The following SETDB1 variants were observed in gnomAD, a reference collection of about 807,000 sequenced individuals.
The protein encoded by SETDB1 is histone-lysine N-methyltransferase SETDB1.
SETDB1 carries 31 observed loss-of-function variants against 137.4 expected under a neutral mutation model. The ratio of observed to expected loss-of-function variants is 0.23; its 90% CI spans 0.17 to 0.30. The LOEUF (loss-of-function observed/expected upper bound fraction) is 0.30. Ranked by LOEUF, SETDB1 falls within the 10% of genes least tolerant of loss-of-function variation. The pLI, the probability that SETDB1 is intolerant of heterozygous loss-of-function variation, is 1.00. For missense variants in SETDB1, 1,113 were observed against 1,631.5 expected (o/e 0.68, Z 5.47); for synonymous variants, 548 against 579.9 (o/e 0.95, Z 0.79).
intron 9 of SETDB1, 42 bp downstream of exon 9, chr1:150,945,150 G>A (rs760537725): frequency 4.3e-6 from 7 of 1,612,176 alleles, no homozygotes; most frequent in East Asian, 2.2e-5. Flanking sequence ...AGGTTGGTGG[G>A]GGGGGAACTT....
intron 1 of SETDB1, 106 bp downstream of exon 1, chr1:150,926,623 C>T (rs1229243536): frequency 6.9e-6 from 3 of 434,832 alleles, no homozygotes; most frequent in Non-Finnish European, 1.4e-5. Context: ...TCCCCAGAGG[C>T]GAACGGGGGC....
chr1:150,949,937 G>A (rs971121050), intron 12 of SETDB1, among the ~76,000 whole-genome samples: 6 of 152,124 alleles, frequency 3.9e-5, no homozygotes, highest in Non-Finnish European at 8.8e-5. Flanking sequence ...GTATACTGTT[G>A]AAATAGAGAT....
In SETDB1 at chr1:150,938,861, C is replaced by T. The variant is rs111548294; in HGVS notation, c.413-1079C>T. ...TTTTTTTTTGAGACGGGGTCTTACTCTGTCACCTGTAGTCCCAGCCGCTTT... is the reference window on the plus strand; with the variant it reads ...TTTTTTTTTGAGACGGGGTCTTACTTTGTCACCTGTAGTCCCAGCCGCTTT... On this transcript the variant is annotated intron_variant, in intron 3 of 21. Coordinates refer to ENST00000692827, the MANE Select transcript of SETDB1 (RefSeq NM_001366418.1). Among the ~76,000 whole-genome samples the T allele has an allele frequency of 8.7e-3, 1,242 of 142,322 alleles. 7 individuals carry two copies. Among genetic ancestry groups the T allele is most frequent in the Non-Finnish European group, 0.012 (797 of 66,230 alleles). 93.4% of individuals were successfully genotyped at this position (142,322 alleles called of 152,430 possible).
At chr1:150,926,759 A>G (rs779960312) in intron 1 of SETDB1, 3 of 533,436 alleles carry the variant, frequency 5.6e-6, no homozygotes, top group Non-Finnish European at 1.2e-5. Flanking sequence ...CCGTTTGATT[A>G]AAAAAGCAGT....
At chr1:150,963,292 A>C in intron 19 of SETDB1, 153 bp downstream of exon 19, 1 of 744,832 alleles carries the variant, frequency 1.3e-6, no homozygotes. Flanking sequence ...AAGCTAAACT[A>C]TTGTTTGACA....
At chr1:150,946,773 G>T in intron 9 of SETDB1, 113 bp from the exon 10 acceptor site, 3 of 1,250,122 alleles carry the variant, frequency 2.4e-6, no homozygotes, top group Non-Finnish European at 3.4e-6. Flanking sequence ...GGAATTTAAG[G>T]CTCATCAGGG....
chr1:150,933,173 C>G (rs1415920566), intron 3 of SETDB1, among the ~76,000 whole-genome samples: 1 of 151,930 alleles, frequency 6.6e-6, no homozygotes, highest in South Asian at 2.1e-4. Flanking sequence ...GATCCTCCCA[C>G]GTCAGCCTCC....
chr1:150,947,508 CATCTATA>C (rs1670364524), intron 10 of SETDB1, among the ~76,000 whole-genome samples: 1 of 152,044 alleles, frequency 6.6e-6, no homozygotes, highest in African/African-American at 2.4e-5. Context: ...CAGTGGCTGA[CATCTATA>C]ATCCCAACAC....
At chr1:150,947,053 C>T in intron 10 of SETDB1, 41 bp downstream of exon 10, 1 of 1,611,086 alleles carries the variant, frequency 6.2e-7, no homozygotes. Context: ...AGAAACAGGC[C>T]AACCAGCAAA....
chr1:150,932,990 T>G (rs1212011685), intron 3 of SETDB1, among the ~76,000 whole-genome samples: 2 of 152,172 alleles, frequency 1.3e-5, no homozygotes, highest in East Asian at 3.9e-4. Context: ...CTGTTGTTAA[T>G]TTTTAATTAA....
chr1:150,956,557 C>T (rs1371341713), intron 14 of SETDB1, among the ~76,000 whole-genome samples: 1 of 152,176 alleles, frequency 6.6e-6, no homozygotes, highest in Non-Finnish European at 1.5e-5. Context: ...AACATAAACA[C>T]CCCCATGTCC....
rs757929040 is a variant in SETDB1 at position 150,946,963 on chromosome 1, C to A, written c.1218C>A (p.Ala406=). Residue 406 remains alanine, a synonymous_variant, in exon 10 of 22, where the codon GCC becomes GCA. Transcript: ENST00000692827. ...EPMFSMKTSS[A]SALEKKQGQL... The stretch of plus-strand genomic sequence containing the variant: ...TGTTCAGCATGAAAACATCCTCAGC[C>A]TCTGCACTGGAGAAGAAGCAAGGAC... 19 of 1,614,088 alleles carry A rather than the reference C, an allele frequency of 1.2e-5. No individual in the cohort carries two copies. Among genetic ancestry groups the A allele is most frequent in the Non-Finnish European group, 1.5e-5 (18 of 1,180,036 alleles).
chr1:150,957,468 G>A (rs1670677962), intron 14 of SETDB1, among the ~76,000 whole-genome samples: 1 of 152,142 alleles, frequency 6.6e-6, no homozygotes, highest in African/African-American at 2.4e-5. Flanking sequence ...TCTGGAGAGA[G>A]GATATGACTA....
chr1:150,962,549 C>CAGTA (rs1670854789), intron 17 of SETDB1, 38 bp from the exon 18 acceptor site: 1 of 1,609,930 alleles, frequency 6.2e-7, no homozygotes, highest in Non-Finnish European at 8.5e-7. Flanking sequence ...AAGAAACAGC[C>CAGTA]AGTAACCTGT....
chr1:150,942,774 T>G, intron 6 of SETDB1, 78 bp from the exon 7 acceptor site: 1 of 1,598,016 alleles, frequency 6.3e-7, no homozygotes, highest in Non-Finnish European at 8.6e-7. Flanking sequence ...AACCTTCCCA[T>G]TTGTCTCTCA....
intron 3 of SETDB1, among the ~76,000 whole-genome samples, chr1:150,931,038 T>C (rs587721463): frequency 6.6e-6 from 1 of 151,476 alleles, no homozygotes; most frequent in East Asian, 2.0e-4. Context: ...GGTGGGAGGA[T>C]CCCCTGATCC....
intron 9 of SETDB1, 128 bp from the exon 10 acceptor site, chr1:150,946,758 A>G (rs1670344107): frequency 1.8e-6 from 2 of 1,087,256 alleles, no homozygotes; most frequent in Non-Finnish European, 1.3e-6. Flanking sequence ...CTTAGCTTAG[A>G]CTAAGGAATT....
intron 3 of SETDB1, among the ~76,000 whole-genome samples, chr1:150,931,808 A>G (rs1669768125): frequency 6.8e-6 from 1 of 147,856 alleles, no homozygotes; most frequent in African/African-American, 2.5e-5. Flanking sequence ...ACCATTAATT[A>G]TGTTAGCAGT....
At chr1:150,949,343 A>G (rs1292907721) in intron 11 of SETDB1, 24 bp from the exon 12 acceptor site, 1 of 1,613,826 alleles carries the variant, frequency 6.2e-7, no homozygotes, top group Non-Finnish European at 8.5e-7. Context: ...CCCTTACTAT[A>G]TGCCCTCTTC....
Sources: allele counts gnomAD v4.1 joint callset (sites outside exome capture counted in the v4.1 genomes callset), GRCh38; gene constraint gnomAD v4.1.1; transcripts MANE v1.5; gene names NCBI Gene and HGNC (gene_info 2026-07-23, HGNC 2026-07-21).